Variants in SRF observed in about 807,000 individuals in gnomAD.
SRF encodes the protein c-fos serum response element-binding transcription factor.
In SRF, 7 loss-of-function variants were observed where a neutral mutation model predicts 37.1. The observed-to-expected ratio is 0.19, with a 90% confidence interval of 0.11 to 0.35. SRF has a LOEUF of 0.35. Among genes scored for constraint, SRF ranks in the 10% least tolerant of loss-of-function variants. SRF has a pLI of 1.00. For missense variants in SRF, 395 were observed against 694.4 expected (o/e 0.57, Z 4.85); for synonymous variants, 285 against 310.1 (o/e 0.92, Z 0.85).
intron 2 of SRF, among the ~76,000 whole-genome samples, chr6:43,174,660 G>A (rs990519070): frequency 2.6e-5 from 4 of 152,212 alleles, no homozygotes; most frequent in African/African-American, 9.7e-5. Context: ...GGTAAGGAGA[G>A]GGGGTGGGGC....
rs1225992910 is a variant in SRF at position 43,172,374 on chromosome 6, G to C, written c.513+205G>C. The C allele has an allele frequency of 6.1e-6, 6 of 985,234 alleles. No individual in the cohort carries two copies. Among genetic ancestry groups the C allele is most frequent in the Non-Finnish European group, 7.2e-6 (6 of 829,914 alleles). 61.0% of individuals were successfully genotyped at this position (985,234 alleles called of 1,614,324 possible). A position where few individuals can be genotyped will look rare whatever the true frequency, so the allele number is the denominator to read the frequency against. On this transcript the variant is annotated intron_variant, in intron 1 of 6. Coordinates refer to ENST00000265354, the MANE Select transcript of SRF (RefSeq NM_003131.4). The surrounding 1 kb of genome is among the most constrained non-coding windows in gnomAD (Gnocchi z 5.7). ...TGGGGAGAGGGGAGATCCCGCGAAC[G>C]CTCGCAACCGTGGGGAAAGGCGCAG...
At position 43,171,959 on chromosome 6, in the gene SRF, C is replaced by G. The variant is rs750314662; in HGVS notation, c.303C>G (p.Ser101Arg). Residue 101 changes from serine (S) to arginine (R), a missense_variant, in exon 1 of 7, where the codon AGC (serine) becomes AGG (arginine). By Grantham distance (110) the Ser-to-Arg change is moderately radical. Coordinates refer to ENST00000265354, the MANE Select transcript of SRF (RefSeq NM_003131.4). This position sits in a 1 kb window ranked among gnomAD's most constrained non-coding sequence, Gnocchi z 6.5. ...CCGAGCGGCGCGGCCTGAAGCGGAG[C>G]CTGAGCGAGATGGAGATCGGTATGG... ...LGAERRGLKRSLSEMEIGMVV... is the reference protein window; with the variant it reads ...LGAERRGLKRRLSEMEIGMVV... The G allele has an allele frequency of 6.6e-7, 1 of 1,518,584 alleles. No homozygotes were observed. The highest frequency in any genetic ancestry group is 1.2e-5 in the South Asian group (1 of 80,978). 94.1% of individuals were successfully genotyped at this position (1,518,584 alleles called of 1,614,324 possible).
chr6:43,174,650 G>A (rs1379361808), intron 2 of SRF, among the ~76,000 whole-genome samples: 1 of 152,214 alleles, frequency 6.6e-6, no homozygotes, highest in African/African-American at 2.4e-5. Context: ...TCCTTTTCCC[G>A]GTAAGGAGAG....
rs200947906 is a variant in SRF at position 43,179,169 on chromosome 6, C to T, written c.1506C>T (p.Ala502=). ...TELQVVNLDT[A]HSTKSE ...TACAGGTGGTGAACCTGGACACCGC[C>T]CACAGCACCAAGAGTGAATGATCCG... Residue 502 remains alanine (A), a synonymous_variant, in exon 7 of 7, where the codon GCC becomes GCT. Transcript: ENST00000265354. This position sits in a 1 kb window ranked among gnomAD's most constrained non-coding sequence, Gnocchi z 5.3. The T allele has an allele frequency of 7.9e-5, 128 of 1,614,138 alleles. No individual in the cohort carries two copies. The highest frequency in any genetic ancestry group is 1.0e-4 in the Non-Finnish European group (120 of 1,180,056).
chr6:43,177,619 TAAG>T (rs965811489), intron 4 of SRF, among the ~76,000 whole-genome samples: 6 of 150,204 alleles, frequency 4.0e-5, no homozygotes, highest in East Asian at 2.0e-4. Flanking sequence ...AGCTGTGCAT[TAAG>T]AAGGAGAGAG....
At position 43,173,932 on chromosome 6, in the gene SRF, G is replaced by A. The variant is rs753046057; in HGVS notation, c.599G>A (p.Arg200Gln). Reference sequence around the variant, plus strand: ...GGCCATGTGTATACCTTTGCCACCCGAAAACTGCAGCCCATGATCACCAGT... The same window carrying A: ...GGCCATGTGTATACCTTTGCCACCCAAAAACTGCAGCCCATGATCACCAGT... ...ETGHVYTFAT[R>Q]KLQPMITSET... Residue 200 changes from arginine to glutamine, a missense_variant, in exon 2 of 7, where the codon CGA becomes CAA. By Grantham distance (43) the Arg-to-Gln change is conservative. This residue lies in a region of SRF where 9 missense variants were observed against 117.1 expected (regional missense o/e 0.08). Coordinates refer to ENST00000265354, the MANE Select transcript of SRF (RefSeq NM_003131.4). This position sits in a 1 kb window ranked among gnomAD's most constrained non-coding sequence, Gnocchi z 4.2. 21 of 1,613,928 alleles carry A rather than the reference G, an allele frequency of 1.3e-5. No homozygotes were observed. Among genetic ancestry groups the A allele is most frequent in the Admixed American group, 1.7e-5 (1 of 59,990 alleles).
In SRF at chr6:43,171,550, C is replaced by T; in HGVS notation, c.-107C>T. The T allele has an allele frequency of 9.8e-6, 11 of 1,120,296 alleles. No individual in the cohort carries two copies. The highest frequency in any genetic ancestry group is 1.2e-5 in the Non-Finnish European group (11 of 901,548). 69.4% of individuals were successfully genotyped at this position (1,120,296 alleles called of 1,614,324 possible). The stretch of plus-strand genomic sequence containing the variant: ...GCGGCGGCCGCGGCAGCGATAGCGG[C>T]ACTAGCAGCAGCGGGAGTGCCGGGT... On this transcript the variant is annotated 5_prime_UTR_variant, in exon 1 of 7. Coordinates refer to ENST00000265354, the MANE Select transcript of SRF (RefSeq NM_003131.4). The surrounding 1 kb of genome is among the most constrained non-coding windows in gnomAD (Gnocchi z 6.5).
Position 43,179,512 on chromosome 6 carries a change from C to T in SRF, c.*322C>T. The T allele has an allele frequency of 2.8e-6, 1 of 362,144 alleles. No individual in the cohort carries two copies. Among genetic ancestry groups the T allele is most frequent in the Non-Finnish European group, 5.3e-6 (1 of 188,996 alleles). The allele number at this position is 362,144 out of a possible 1,614,324, so 22.4% of individuals were successfully genotyped here. ...TAGCTTACCCAATGGGACCGTGCCC[C>T]ACCTCCCCACACACAGGCCTTCTGT... On this transcript the variant is annotated 3_prime_UTR_variant, in exon 7 of 7. Coordinates refer to ENST00000265354, the MANE Select transcript of SRF (RefSeq NM_003131.4). The surrounding 1 kb of genome is among the most constrained non-coding windows in gnomAD (Gnocchi z 5.3).
In SRF at chr6:43,171,571, C is replaced by G; in HGVS notation, c.-86C>G. On this transcript the variant is annotated 5_prime_UTR_variant, in exon 1 of 7. Transcript: ENST00000265354. The surrounding 1 kb of genome is among the most constrained non-coding windows in gnomAD (Gnocchi z 6.5). Reference sequence around the variant, plus strand: ...GCGGCACTAGCAGCAGCGGGAGTGCCGGGTTGAGCCGGGAAGCCGATGGCG... The same window carrying G: ...GCGGCACTAGCAGCAGCGGGAGTGCGGGGTTGAGCCGGGAAGCCGATGGCG... The G allele has an allele frequency of 8.6e-7, 1 of 1,160,742 alleles. No individual in the cohort carries two copies. The highest frequency in any genetic ancestry group is 1.1e-6 in the Non-Finnish European group (1 of 937,942). 71.9% of individuals were successfully genotyped at this position (1,160,742 alleles called of 1,614,324 possible).
chr6:43,176,179 C>A lies in SRF; in HGVS notation c.1042+212C>A, dbSNP rs1317820426. 6.6e-6 allele frequency among the ~76,000 whole-genome samples: 1 copy of A among 152,158 alleles called. No homozygotes were observed. The highest frequency in any genetic ancestry group is 1.5e-5 in the Non-Finnish European group (1 of 68,014). ...GCTGTCCTTGTCAGTAAGTTTCAACCATATATTCTGGCCCTGTCTAGCTAC... is the reference window on the plus strand; with the variant it reads ...GCTGTCCTTGTCAGTAAGTTTCAACAATATATTCTGGCCCTGTCTAGCTAC... On this transcript the variant is annotated intron_variant, in intron 3 of 6. Transcript: ENST00000265354. The surrounding 1 kb of genome is among the most constrained non-coding windows in gnomAD (Gnocchi z 4.0).
Position 43,174,014 on chromosome 6 carries a change from T to C in SRF, c.681T>C (p.Arg227=), listed in dbSNP as rs1257691738. The C allele has an allele frequency of 6.2e-7, 1 of 1,614,144 alleles. No individual in the cohort carries two copies. The highest frequency in any genetic ancestry group is 8.5e-7 in the Non-Finnish European group (1 of 1,180,016). ...TCLNSPDSPP[R]SDPTTDQRMS... ...TCAACTCGCCAGACTCTCCACCCCGTTCAGACCCCACAACAGACCAGAGAA... is the reference window on the plus strand; with the variant it reads ...TCAACTCGCCAGACTCTCCACCCCGCTCAGACCCCACAACAGACCAGAGAA... The change falls in exon 2 of 7, where the codon CGT becomes CGC. Residue 227 remains arginine (R), a synonymous_variant. Coordinates refer to ENST00000265354, the MANE Select transcript of SRF (RefSeq NM_003131.4).
Position 43,178,008 on chromosome 6 carries a change from G to A in SRF, c.1163-286G>A, listed in dbSNP as rs1047730569. Among the ~76,000 whole-genome samples, 3 of 151,936 alleles carry A rather than the reference G, an allele frequency of 2.0e-5. No homozygotes were observed. The highest frequency in any genetic ancestry group is 7.3e-5 in the African/African-American group (3 of 41,344). On this transcript the variant is annotated intron_variant, in intron 4 of 6. Transcript: ENST00000265354. The surrounding 1 kb of genome is among the most constrained non-coding windows in gnomAD (Gnocchi z 4.3). Reference sequence around the variant, plus strand: ...GGAGTATCTGAGTTTTCTGAGAGTAGGTCAGTCATAATCTTTGTTTTTCCC... The same window carrying A: ...GGAGTATCTGAGTTTTCTGAGAGTAAGTCAGTCATAATCTTTGTTTTTCCC...
intron 2 of SRF, among the ~76,000 whole-genome samples, chr6:43,175,184 T>C (rs1480453771): frequency 6.6e-6 from 1 of 152,158 alleles, no homozygotes; most frequent in Non-Finnish European, 1.5e-5. Context: ...AAGAACTCTT[T>C]GAAAGAAAAC....
Position 43,178,538 on chromosome 6 carries a change from C to T in SRF, c.1354+53C>T. 1.3e-6 allele frequency: 2 copies of T among 1,489,860 alleles called. No individual in the cohort carries two copies. Among genetic ancestry groups the T allele is most frequent in the South Asian group, 1.2e-5 (1 of 83,414 alleles). The allele number at this position is 1,489,860 out of a possible 1,614,324, so 92.3% of individuals were successfully genotyped here. On this transcript the variant is annotated intron_variant, in intron 5 of 6. Transcript: ENST00000265354. This position sits in a 1 kb window ranked among gnomAD's most constrained non-coding sequence, Gnocchi z 4.3. ...GGAGGACCGTTTCCTTCTTTATACACACACACACACACACATACACACACA... is the reference window on the plus strand; with the variant it reads ...GGAGGACCGTTTCCTTCTTTATACATACACACACACACACATACACACACA...
At position 43,176,653 on chromosome 6, in the gene SRF, C is replaced by T. The variant is rs1772203374; in HGVS notation, c.1148C>T (p.Ser383Phe). The T allele has an allele frequency of 6.2e-7, 1 of 1,614,016 alleles. No individual in the cohort carries two copies. The highest frequency in any genetic ancestry group is 1.3e-5 in the African/African-American group (1 of 74,916). ...AGCAGCACAGACCTCACGCAGACCT[C>T]CTCCAGCGGGACAGGTATAGCTCGC... ...RDSSTDLTQT[S>F]SSGTVTLPAT... is the part of the protein sequence containing the mutation. The change falls in exon 4 of 7, where the codon TCC (serine) becomes TTC (phenylalanine). Residue 383 changes from serine (S) to phenylalanine (F), a missense_variant. Physicochemically the swap from Ser to Phe is radical, Grantham distance 155. Coordinates refer to ENST00000265354, the MANE Select transcript of SRF (RefSeq NM_003131.4). This position sits in a 1 kb window ranked among gnomAD's most constrained non-coding sequence, Gnocchi z 4.0.
rs1582251864 is a variant in SRF at position 43,172,287 on chromosome 6, T to G, written c.513+118T>G. On this transcript the variant is annotated intron_variant, in intron 1 of 6. Coordinates refer to ENST00000265354, the MANE Select transcript of SRF (RefSeq NM_003131.4). This position sits in a 1 kb window ranked among gnomAD's most constrained non-coding sequence, Gnocchi z 5.7. Reference sequence around the variant, plus strand: ...TGAGAGGCTGCGAGTCCGCAGGAGGTGTGTGGGAGGGGATGGCTCCTGCCC... The same window carrying G: ...TGAGAGGCTGCGAGTCCGCAGGAGGGGTGTGGGAGGGGATGGCTCCTGCCC... 7 of 1,412,008 alleles carry G rather than the reference T, an allele frequency of 5.0e-6. No individual in the cohort carries two copies. Among genetic ancestry groups the G allele is most frequent in the Admixed American group, 2.5e-5 (1 of 40,252 alleles). 87.5% of individuals were successfully genotyped at this position (1,412,008 alleles called of 1,614,324 possible).
At chr6:43,177,929 AAAG>A (rs1241850878) in intron 4 of SRF, among the ~76,000 whole-genome samples, 5 of 151,804 alleles carry the variant, frequency 3.3e-5, no homozygotes, top group Non-Finnish European at 7.4e-5. Context: ...AAAAAAAAAA[AAAG>A]GAGGGAGAAT....
At position 43,179,086 on chromosome 6, in the gene SRF, T is replaced by A. The variant is rs1175067817; in HGVS notation, c.1432-9T>A. ...CCCTGCCCCTCCTCATACATCCCCT[T>A]CCCTCCAGATGGCTGTGATAGGGCA... On this transcript the variant is annotated splice_polypyrimidine_tract_variant and intron_variant, in intron 6 of 6. Transcript: ENST00000265354. This position sits in a 1 kb window ranked among gnomAD's most constrained non-coding sequence, Gnocchi z 5.3. 1.9e-6 allele frequency: 3 copies of A among 1,613,752 alleles called. No homozygotes were observed. In the South Asian group the frequency reaches 3.3e-5, roughly 18 times the overall value.
chr6:43,176,679 A>G lies in SRF; in HGVS notation c.1162+12A>G. 6.2e-7 allele frequency: 1 copy of G among 1,612,562 alleles called. No individual in the cohort carries two copies. Among genetic ancestry groups the G allele is most frequent in the Non-Finnish European group, 8.5e-7 (1 of 1,178,860 alleles). ...CTCCAGCGGGACAGGTATAGCTCGC[A>G]GCCCTGTCACCCTCCCTCCCTGCCT... On this transcript the variant is annotated intron_variant, in intron 4 of 6. Transcript: ENST00000265354. This position sits in a 1 kb window ranked among gnomAD's most constrained non-coding sequence, Gnocchi z 4.0.
Sources: gnomAD v4.1 joint callset for allele counts (sites outside exome capture counted in the v4.1 genomes callset) on GRCh38, gnomAD v4.1.1 for gene constraint, gnomAD v4.1.1 regional missense constraint, Gnocchi (gnomAD v3.1) non-coding constraint, MANE v1.5 for transcripts, NCBI Gene and HGNC (gene_info 2026-07-23, HGNC 2026-07-21) for gene names.